Variants in G6PC1 observed in about 807,000 individuals in gnomAD.
The protein encoded by G6PC1 is glucose-6-phosphatase catalytic subunit 1.
A neutral mutation model predicts 30.4 loss-of-function variants in G6PC1; 23 were observed. That is an observed-to-expected ratio of 0.76 (90% CI 0.55 to 1.07). The LOEUF is 1.07. Ranked by LOEUF, G6PC1 falls within the 50% of genes least tolerant of loss-of-function variation. The pLI is 0.00. For missense variants in G6PC1, 391 were observed against 433.9 expected (o/e 0.90, Z 0.88); for synonymous variants, 163 against 175.6 (o/e 0.93, Z 0.57).
At chr17:42,904,959 A>C (rs1320801451) in intron 2 of G6PC1, among the ~76,000 whole-genome samples, 1 of 151,726 alleles carries the variant, frequency 6.6e-6, no homozygotes, top group African/African-American at 2.4e-5. Context: ...TAAAAATGGA[A>C]AAATTGGTCA....
intron 2 of G6PC1, 121 bp from the exon 3 acceptor site, chr17:42,907,402 A>G: frequency 2.8e-6 from 2 of 707,786 alleles, no homozygotes; most frequent in Non-Finnish European, 5.2e-6. Context: ...TGGGGGGTGA[A>G]TGGATGGATG....
Position 42,913,525 on chromosome 17 carries a change from T to C in G6PC1, c.*2099T>C, listed in dbSNP as rs141802218. Among the ~76,000 whole-genome samples, 178 of 152,252 alleles carry C rather than the reference T, an allele frequency of 1.2e-3. 1 individual carries two copies. The highest frequency in any genetic ancestry group is 4.2e-3 in the African/African-American group (174 of 41,548). On this transcript the variant is annotated 3_prime_UTR_variant, in exon 5 of 5. Transcript: ENST00000253801. ...TTAGGGATAGGGAGACTTAAATGCA[T>C]CCACAGGGGCACAGGCAGAGTTGAG...
At position 42,911,374 on chromosome 17, in the gene G6PC1, T is replaced by A. The variant is rs387906505; in HGVS notation, c.1022T>A (p.Ile341Asn). Reference sequence around the variant, plus strand: ...GTGCCCCTGGCATCCGTCAGTGTCATCCCCTACTGCCTCGCCCAGGTCCTG... The same window carrying A: ...GTGCCCCTGGCATCCGTCAGTGTCAACCCCTACTGCCTCGCCCAGGTCCTG... ...AVVPLASVSV[I>N]PYCLAQVLGQ... Residue 341 changes from isoleucine to asparagine, a missense_variant, in exon 5 of 5, where the codon ATC becomes AAC. Transcript: ENST00000253801. 2.5e-6 allele frequency: 4 copies of A among 1,614,128 alleles called. No homozygotes were observed. The East Asian group carries it at 8.9e-5, about 36-fold the overall frequency.
At chr17:42,907,430 A>T in intron 2 of G6PC1, 93 bp from the exon 3 acceptor site, 1 of 800,500 alleles carries the variant, frequency 1.2e-6, no homozygotes, top group Admixed American at 2.0e-5. Context: ...AGATGGGTGG[A>T]TAGGGGGATG....
chr17:42,902,049 G>A (rs1368212201), intron 1 of G6PC1, among the ~76,000 whole-genome samples: 1 of 152,172 alleles, frequency 6.6e-6, no homozygotes, highest in Non-Finnish European at 1.5e-5. Flanking sequence ...TAAATGATTA[G>A]GCCAACAAGG....
rs767846924 is a variant in G6PC1, at chr17:42,909,403, G to A, written c.547G>A (p.Ala183Thr). The A allele has an allele frequency of 3.7e-6, 6 of 1,613,794 alleles. No individual in the cohort carries two copies. Among genetic ancestry groups the A allele is most frequent in the Non-Finnish European group, 4.2e-6 (5 of 1,179,732 alleles). Residue 183 changes from alanine (A) to threonine (T), a missense_variant, in exon 4 of 5, where the codon GCT (alanine) becomes ACT (threonine). Transcript: ENST00000253801. ...TGCTCATTTTCCTCATCAAGTTGTT[G>A]CTGGAGTCCTGTCAGGTATGGGCTG... ...LAAHFPHQVVAGVLSGIAVAE... is the reference protein window; with the variant it reads ...LAAHFPHQVVTGVLSGIAVAE...
intron 2 of G6PC1, among the ~76,000 whole-genome samples, chr17:42,906,344 T>C (rs2056062235): frequency 6.6e-6 from 1 of 152,090 alleles, no homozygotes; most frequent in Non-Finnish European, 1.5e-5. Context: ...GCTCTGAAGC[T>C]GGGGATGGCT....
chr17:42,908,628 A>T lies in G6PC1; in HGVS notation c.447-675A>T, dbSNP rs375188890. On this transcript the variant is annotated intron_variant, in intron 3 of 4. Coordinates refer to ENST00000253801, the MANE Select transcript of G6PC1 (RefSeq NM_000151.4). ...CACCATATTGGCCAGGCTGGTCTTGAACTCCTGACCTAGTGATCCATCCGC... is the reference window on the plus strand; with the variant it reads ...CACCATATTGGCCAGGCTGGTCTTGTACTCCTGACCTAGTGATCCATCCGC... 5.1e-3 allele frequency among the ~76,000 whole-genome samples: 753 copies of T among 147,554 alleles called. 2 individuals are homozygous for T. Among genetic ancestry groups the T allele is most frequent in the African/African-American group, 0.016 (648 of 39,768 alleles).
At position 42,900,856 on chromosome 17, in the gene G6PC1, T is replaced by A. The variant is rs750000403; in HGVS notation, c.-21T>A. ...TGCAAGGGCTCTGCTGACATCTTCCTGAGGTGCCAAGGAAATGAGGATGGA... is the reference window on the plus strand; with the variant it reads ...TGCAAGGGCTCTGCTGACATCTTCCAGAGGTGCCAAGGAAATGAGGATGGA... On this transcript the variant is annotated 5_prime_UTR_variant, in exon 1 of 5. Coordinates refer to ENST00000253801, the MANE Select transcript of G6PC1 (RefSeq NM_000151.4). The A allele has an allele frequency of 1.9e-6, 3 of 1,600,790 alleles. No homozygotes were observed. The East Asian group carries it at 6.7e-5, about 36-fold the overall frequency.
chr17:42,902,970 A>C lies in G6PC1; in HGVS notation c.231-961A>C, dbSNP rs1221049928. 2.0e-5 allele frequency among the ~76,000 whole-genome samples: 3 copies of C among 151,620 alleles called. No individual in the cohort carries two copies. The East Asian group carries it at 5.8e-4, about 29-fold the overall frequency. ...CCTGAGGCCTGAGGGAACCCATGGT[A>C]TATGCAAGTCCAAGTTTCAAACTGT... is the stretch of plus-strand genomic sequence containing the variant. On this transcript the variant is annotated intron_variant, in intron 1 of 4. Coordinates refer to ENST00000253801, the MANE Select transcript of G6PC1 (RefSeq NM_000151.4).
intron 4 of G6PC1, among the ~76,000 whole-genome samples, chr17:42,910,590 G>A (rs114047008): frequency 1.2e-3 from 180 of 152,180 alleles, no homozygotes; most frequent in African/African-American, 4.1e-3. Context: ...AATCAATTCC[G>A]TTCAAAGATA....
At chr17:42,903,307 C>T (rs1372170243) in intron 1 of G6PC1, among the ~76,000 whole-genome samples, 1 of 151,894 alleles carries the variant, frequency 6.6e-6, no homozygotes, top group East Asian at 2.0e-4. Context: ...TGGTCTCAAA[C>T]TCCTGACCTC....
At position 42,905,443 on chromosome 17, in the gene G6PC1, T is replaced by TATATAC. The variant is rs1223207559; in HGVS notation, c.340+1404_340+1405insTATACA. On this transcript the variant is annotated intron_variant, in intron 2 of 4. Transcript: ENST00000253801. The stretch of plus-strand genomic sequence containing the variant: ...AAAAAAAAAAAAATATATATATATA[T>TATATAC]ACACACACACACACACACACACACA... Among the ~76,000 whole-genome samples, 489 of 87,880 alleles carry TATATAC rather than the reference T, an allele frequency of 5.6e-3. 1 individual carries two copies. Among genetic ancestry groups the TATATAC allele is most frequent in the African/African-American group, 7.6e-3 (136 of 17,966 alleles). The allele number at this position is 87,880 out of a possible 152,430, so 57.7% of individuals were successfully genotyped here. A position where few individuals can be genotyped will look rare whatever the true frequency, so the allele number is the denominator to read the frequency against.
Position 42,906,171 on chromosome 17 carries a change from G to C in G6PC1, c.341-1352G>C, listed in dbSNP as rs79684771. ...AGGAGGAAGGGAGGGAGGGAAGAAA[G>C]CCTTTATTTATCTATGGGGTTCCCT... is the stretch of plus-strand genomic sequence containing the variant. On this transcript the variant is annotated intron_variant, in intron 2 of 4. Transcript: ENST00000253801. Among the ~76,000 whole-genome samples the C allele has an allele frequency of 1.2e-3, 183 of 152,180 alleles. 1 individual carries two copies. The highest frequency in any genetic ancestry group is 4.2e-3 in the African/African-American group (173 of 41,538).
intron 1 of G6PC1, 151 bp from the exon 2 acceptor site, chr17:42,903,780 T>C (rs2056041588): frequency 1.5e-6 from 1 of 678,870 alleles, no homozygotes; most frequent in Non-Finnish European, 2.7e-6. Flanking sequence ...TCATGAAATA[T>C]CTCCCTCTCA....
chr17:42,909,901 G>C (rs2056085024), intron 4 of G6PC1, among the ~76,000 whole-genome samples: 2 of 147,430 alleles, frequency 1.4e-5, no homozygotes, highest in African/African-American at 2.5e-5. Flanking sequence ...CTCGCTCTGT[G>C]ACCCAGGCTA....
rs547464411 is a variant in G6PC1, at chr17:42,911,936, G to A, written c.*510G>A. The stretch of plus-strand genomic sequence containing the variant: ...CCCCTGAAGACTTACTTATTCTTCC[G>A]TCACATATACAAAAGCAAGACTTCC... On this transcript the variant is annotated 3_prime_UTR_variant, in exon 5 of 5. Coordinates refer to ENST00000253801, the MANE Select transcript of G6PC1 (RefSeq NM_000151.4). 1.1e-4 allele frequency: 18 copies of A among 164,216 alleles called. No homozygotes were observed. The highest frequency in any genetic ancestry group is 6.5e-4 in the South Asian group (4 of 6,172). 10.2% of individuals were successfully genotyped at this position (164,216 alleles called of 1,614,324 possible).
In G6PC1 at chr17:42,904,266, T is replaced by C. The variant is rs112003011; in HGVS notation, c.340+226T>C. ...GATGGAGTCCAGAGAGGCACGGGCATCCATGGGCAAAGGGCTCGTGAGAGT... is the reference window on the plus strand; with the variant it reads ...GATGGAGTCCAGAGAGGCACGGGCACCCATGGGCAAAGGGCTCGTGAGAGT... On this transcript the variant is annotated intron_variant, in intron 2 of 4. Coordinates refer to ENST00000253801, the MANE Select transcript of G6PC1 (RefSeq NM_000151.4). The C allele has an allele frequency of 0.029, 14,799 of 518,838 alleles. 529 individuals are homozygous for C. Among genetic ancestry groups the C allele is most frequent in the African/African-American group, 0.12 (6,017 of 52,184 alleles). The allele number at this position is 518,838 out of a possible 1,614,324, so 32.1% of individuals were successfully genotyped here. A position where few individuals can be genotyped will look rare whatever the true frequency, so the allele number is the denominator to read the frequency against.
At chr17:42,910,836 C>A in intron 4 of G6PC1, 79 bp from the exon 5 acceptor site, 2 of 1,351,372 alleles carry the variant, frequency 1.5e-6, no homozygotes, top group Non-Finnish European at 2.1e-6. Context: ...GATGGCATGT[C>A]ACCCACTCCT....
Sources: gnomAD v4.1 joint callset for allele counts (sites outside exome capture counted in the v4.1 genomes callset) on GRCh38, gnomAD v4.1.1 for gene constraint, MANE v1.5 for transcripts, NCBI Gene and HGNC (gene_info 2026-07-23, HGNC 2026-07-21) for gene names.